TMEM41A: variants seen among roughly 807,000 people sequenced by gnomAD.
TMEM41A encodes transmembrane protein 41A.
In TMEM41A, 20 loss-of-function variants were observed where a neutral mutation model predicts 25.7. The ratio of observed to expected loss-of-function variants is 0.78; its 90% CI spans 0.55 to 1.13. The LOEUF is 1.13. Among genes scored for constraint, TMEM41A ranks in the 50% most tolerant of loss-of-function variants. The pLI, the probability that TMEM41A is intolerant of heterozygous loss-of-function variation, is 0.00. For missense variants in TMEM41A, 299 were observed against 314.3 expected (o/e 0.95, Z 0.37); for synonymous variants, 133 against 139.6 (o/e 0.95, Z 0.33).
At position 185,489,796 on chromosome 3, in the gene TMEM41A, G is replaced by A. The variant is rs1217091698; in HGVS notation, c.*1741C>T. 12 of 152,088 alleles carry A rather than the reference G, an allele frequency of 7.9e-5. No homozygotes were observed. Among genetic ancestry groups the A allele is most frequent in the African/African-American group, 2.7e-4 (11 of 41,394 alleles). The allele number at this position is 152,088 out of a possible 1,614,324, so 9.4% of individuals were successfully genotyped here. On this transcript the variant is annotated 3_prime_UTR_variant, in exon 5 of 5. Coordinates refer to ENST00000421852, the MANE Select transcript of TMEM41A (RefSeq NM_080652.4). ...CTCCCCCTACTCCAGAACACCAAAG[G>A]CCACAGTCTTCAAAGTCTGCTGCCT...
Position 185,491,483 on chromosome 3 carries a change from C to A in TMEM41A, c.*54G>T. 13 of 1,435,816 alleles carry A rather than the reference C, an allele frequency of 9.1e-6. No homozygotes were observed. In the South Asian group the frequency reaches 1.5e-4, roughly 17 times the overall value. The allele number at this position is 1,435,816 out of a possible 1,614,324, so 88.9% of individuals were successfully genotyped here. Reference sequence around the variant, plus strand: ...AATGAGGGGCTTTAGAGGACCACATCCATTACACAAATAAGCAACTGAGTC... The same window carrying A: ...AATGAGGGGCTTTAGAGGACCACATACATTACACAAATAAGCAACTGAGTC... On this transcript the variant is annotated 3_prime_UTR_variant, in exon 5 of 5. Transcript: ENST00000421852.
rs764114891 is a variant in TMEM41A, at chr3:185,498,826, G to A, written c.119+17C>T. 1.0e-4 allele frequency: 158 copies of A among 1,566,512 alleles called. No homozygotes were observed. Among genetic ancestry groups the A allele is most frequent in the Non-Finnish European group, 1.3e-4 (150 of 1,158,728 alleles). ...GGCTCCCTTCCTCTGACCCGAACCC[G>A]GATTCCCGCCACGCACCTGCCTCCA... On this transcript the variant is annotated intron_variant, in intron 1 of 4. Transcript: ENST00000421852.
At chr3:185,497,947 C>A (rs1198522916) in intron 1 of TMEM41A, among the ~76,000 whole-genome samples, 1 of 152,114 alleles carries the variant, frequency 6.6e-6, no homozygotes, top group Non-Finnish European at 1.5e-5. Context: ...CCTGCCTCGA[C>A]CAGTCGTTCA....
Position 185,498,970 on chromosome 3 carries a change from C to T in TMEM41A, c.-9G>A, listed in dbSNP as rs897669338. The T allele has an allele frequency of 2.1e-5, 33 of 1,591,836 alleles. No individual in the cohort carries two copies. Among genetic ancestry groups the T allele is most frequent in the Non-Finnish European group, 2.7e-5 (32 of 1,170,352 alleles). On this transcript the variant is annotated 5_prime_UTR_variant, in exon 1 of 5. Transcript: ENST00000421852. Reference sequence around the variant, plus strand: ...CCGAGAAGCGGGCGCATGTCGGCTCCGCACCCCGGCCCGCGGGGCAGCCGA... The same window carrying T: ...CCGAGAAGCGGGCGCATGTCGGCTCTGCACCCCGGCCCGCGGGGCAGCCGA...
chr3:185,497,847 C>T (rs1052126913), intron 1 of TMEM41A, among the ~76,000 whole-genome samples: 2 of 152,176 alleles, frequency 1.3e-5, no homozygotes, highest in African/African-American at 4.8e-5. Flanking sequence ...TTCCCTTAAC[C>T]ACGCAATGCT....
At position 185,495,136 on chromosome 3, in the gene TMEM41A, T is replaced by C; in HGVS notation, c.435+18A>G. On this transcript the variant is annotated intron_variant, in intron 3 of 4. Transcript: ENST00000421852. ...ACTGTCTGGGGTCCCAGCTCTCAGA[T>C]GTGACCCCTCCCCTTACCTTTCTCT... The C allele has an allele frequency of 6.2e-7, 1 of 1,612,804 alleles. No homozygotes were observed. The highest frequency in any genetic ancestry group is 2.2e-5 in the East Asian group (1 of 44,858).
At chr3:185,493,687 C>T (rs1350221236) in intron 4 of TMEM41A, 1 of 152,096 alleles carries the variant, frequency 6.6e-6, no homozygotes, top group Non-Finnish European at 1.5e-5. Flanking sequence ...ATTACAGACG[C>T]ACACCACCAT....
In TMEM41A at chr3:185,496,813, G is replaced by A. The variant is rs1017763858; in HGVS notation, c.273+15C>T. The A allele has an allele frequency of 1.1e-5, 17 of 1,600,804 alleles. No homozygotes were observed. The highest frequency in any genetic ancestry group is 1.4e-5 in the Non-Finnish European group (17 of 1,175,386). On this transcript the variant is annotated intron_variant, in intron 2 of 4. Coordinates refer to ENST00000421852, the MANE Select transcript of TMEM41A (RefSeq NM_080652.4). ...AGATAAGGAAACAGGGTTGGAGGGA[G>A]GGCAGGACACTGACCAGGAAGCTGG... is the stretch of plus-strand genomic sequence containing the variant.
At chr3:185,496,444 T>G in intron 2 of TMEM41A, 1 of 259,936 alleles carries the variant, frequency 3.8e-6, no homozygotes, top group Non-Finnish European at 7.7e-6. Context: ...TGAAGAGGGA[T>G]CAGTTCAAGA....
In TMEM41A at chr3:185,491,411, A is replaced by C. The variant is rs1479680326; in HGVS notation, c.*126T>G. Reference sequence around the variant, plus strand: ...AGTGTCCTTTCTGAAAAGACACTGCACATTGATGCACAGTGTCCACATCAC... The same window carrying C: ...AGTGTCCTTTCTGAAAAGACACTGCCCATTGATGCACAGTGTCCACATCAC... On this transcript the variant is annotated 3_prime_UTR_variant, in exon 5 of 5. Coordinates refer to ENST00000421852, the MANE Select transcript of TMEM41A (RefSeq NM_080652.4). The C allele has an allele frequency of 1.4e-6, 1 of 700,606 alleles. No homozygotes were observed. The highest frequency in any genetic ancestry group is 2.4e-6 in the Non-Finnish European group (1 of 415,118). The allele number at this position is 700,606 out of a possible 1,614,324, so 43.4% of individuals were successfully genotyped here.
intron 2 of TMEM41A, chr3:185,496,500 C>T (rs1020605502): frequency 8.1e-6 from 3 of 370,030 alleles, no homozygotes; most frequent in Non-Finnish European, 1.6e-5. Flanking sequence ...CCCCTGACCC[C>T]GAGCCCCACA....
Position 185,497,191 on chromosome 3 carries a change from G to C in TMEM41A, c.120-210C>G, listed in dbSNP as rs139103970. ...CCTAGTTTGGAAGCAAGAGACCTGG[G>C]TTAGCATCCCAACCCTGCTACTTTC... On this transcript the variant is annotated intron_variant, in intron 1 of 4. Coordinates refer to ENST00000421852, the MANE Select transcript of TMEM41A (RefSeq NM_080652.4). Among the ~76,000 whole-genome samples the C allele has an allele frequency of 3.1e-3, 468 of 152,342 alleles. 5 individuals are homozygous for C. Among genetic ancestry groups the C allele is most frequent in the African/African-American group, 0.01 (435 of 41,570 alleles).
rs576025583 is a variant in TMEM41A, at chr3:185,489,877, G to GA, written c.*1659dup. The GA allele has an allele frequency of 9.3e-4, 141 of 152,316 alleles. No homozygotes were observed. The highest frequency in any genetic ancestry group is 3.3e-3 in the African/African-American group (136 of 41,570). 9.4% of individuals were successfully genotyped at this position (152,316 alleles called of 1,614,324 possible). On this transcript the variant is annotated 3_prime_UTR_variant, in exon 5 of 5. Coordinates refer to ENST00000421852, the MANE Select transcript of TMEM41A (RefSeq NM_080652.4). ...TTTAAAGAAACACGTTTTAAACAAT[G>GA]AAATCCTCGGTGTGAAAGGATCATA...
rs1718951912 is a variant in TMEM41A, at chr3:185,491,545, C to G, written c.787G>C (p.Asp263His). 1 of 1,613,242 alleles carries G rather than the reference C, an allele frequency of 6.2e-7. No homozygotes were observed. Among genetic ancestry groups the G allele is most frequent in the Admixed American group, 1.7e-5 (1 of 60,026 alleles). Reference protein sequence around the residue: ...STANHIHSRKDT With the variant: ...STANHIHSRKHT ...CAAACAGAAAATCCAGATCATGTGT[C>G]TTTTCTACTGTGTATATGATTAGCA... is the stretch of plus-strand genomic sequence containing the variant. Residue 263 changes from aspartate (D) to histidine (H), a missense_variant, in exon 5 of 5, where the codon GAC becomes CAC. Coordinates refer to ENST00000421852, the MANE Select transcript of TMEM41A (RefSeq NM_080652.4).
At position 185,491,255 on chromosome 3, in the gene TMEM41A, C is replaced by G. The variant is rs1164974521; in HGVS notation, c.*282G>C. 1 of 248,620 alleles carries G rather than the reference C, an allele frequency of 4.0e-6. No homozygotes were observed. The highest frequency in any genetic ancestry group is 7.8e-6 in the Non-Finnish European group (1 of 127,616). 15.4% of individuals were successfully genotyped at this position (248,620 alleles called of 1,614,324 possible). A position where few individuals can be genotyped will look rare whatever the true frequency, so the allele number is the denominator to read the frequency against. On this transcript the variant is annotated 3_prime_UTR_variant, in exon 5 of 5. Coordinates refer to ENST00000421852, the MANE Select transcript of TMEM41A (RefSeq NM_080652.4). ...TTGTGAATCACCGGCCTCGGCCTCC[C>G]AAAGTGCTGGGATTACAGGCGTGAG...
At chr3:185,497,948 C>CA (rs1035048775) in intron 1 of TMEM41A, among the ~76,000 whole-genome samples, 2 of 152,118 alleles carry the variant, frequency 1.3e-5, no homozygotes, top group African/African-American at 4.8e-5. Flanking sequence ...CTGCCTCGAC[C>CA]AGTCGTTCAT....
intron 2 of TMEM41A, chr3:185,496,493 C>G: frequency 2.7e-6 from 1 of 364,544 alleles, no homozygotes. Flanking sequence ...GAGTCAGCCC[C>G]TGACCCCGAG....
intron 4 of TMEM41A, chr3:185,493,447 CTACCCCAGAGATGAT>C (rs1264049404): frequency 6.6e-6 from 1 of 152,216 alleles, no homozygotes; most frequent in Admixed American, 6.5e-5. Flanking sequence ...TCCCTGAGTC[CTACCCCAGAGATGAT>C]TTAGTTGATG....
intron 1 of TMEM41A, among the ~76,000 whole-genome samples, chr3:185,498,046 CA>C (rs1269867766): frequency 2.0e-5 from 3 of 151,738 alleles, no homozygotes; most frequent in Non-Finnish European, 2.9e-5. Flanking sequence ...TACCTGAGGT[CA>C]GGAGTTCGAG....
Sources: allele counts gnomAD v4.1 joint callset (sites outside exome capture counted in the v4.1 genomes callset), GRCh38; gene constraint gnomAD v4.1.1; transcripts MANE v1.5; gene names NCBI Gene and HGNC (gene_info 2026-07-23, HGNC 2026-07-21).